Variants in SEMA4D observed in about 807,000 individuals in gnomAD.
SEMA4D encodes semaphorin-4D.
SEMA4D carries 22 observed loss-of-function variants against 74.8 expected under a neutral mutation model. That is an observed-to-expected ratio of 0.29 (90% CI 0.21 to 0.42). The LOEUF is 0.42. Ranked by LOEUF, SEMA4D falls within the 10% of genes least tolerant of loss-of-function variation. SEMA4D has a pLI of 1.00. For synonymous variants in SEMA4D, 445 were observed against 463.7 expected (o/e 0.96, Z 0.52); for missense variants, 937 against 1,118.4 (o/e 0.84, Z 2.31).
rs549593310 is a variant in SEMA4D at position 89,399,332 on chromosome 9, A to T, written c.259T>A (p.Trp87Arg). Residue 87 changes from tryptophan (W) to arginine (R), a missense_variant, in exon 5 of 16, where the codon TGG (tryptophan) becomes AGG (arginine). By Grantham distance (101) the Trp-to-Arg change is moderately radical (BLOSUM62 -3). Transcript: ENST00000422704. ...NISEKQHEVY[W>R]KVSEDKKAKC... Reference sequence around the variant, plus strand: ...GCTTTTTTGTCTTCTGAGACCTTCCAATACACCTGTTGGGATAGAGTCCAT... The same window carrying T: ...GCTTTTTTGTCTTCTGAGACCTTCCTATACACCTGTTGGGATAGAGTCCAT... The T allele has an allele frequency of 5.0e-6, 8 of 1,611,672 alleles. No homozygotes were observed. In the Admixed American group the frequency reaches 8.3e-5, roughly 17 times the overall value.
At chr9:89,422,401 T>C (rs1008659903) in intron 2 of SEMA4D, among the ~76,000 whole-genome samples, 76 of 152,188 alleles carry the variant, frequency 5.0e-4, no homozygotes, top group Middle Eastern at 3.4e-3. Context: ...CACAGGACGG[T>C]TGGGGGGCCC....
chr9:89,480,613 C>T (rs1318842154), intron 1 of SEMA4D, among the ~76,000 whole-genome samples: 1 of 152,234 alleles, frequency 6.6e-6, no homozygotes, highest in East Asian at 1.9e-4. Flanking sequence ...CGCCGGTGGG[C>T]CAGCACTGCT....
chr9:89,386,891 G>A (rs933292206), intron 12 of SEMA4D: 2 of 217,120 alleles, frequency 9.2e-6, no homozygotes, highest in Non-Finnish European at 1.9e-5. Context: ...CCAAGGGCAG[G>A]CCACAATGCG....
chr9:89,404,823 G>T (rs1359293065), intron 3 of SEMA4D, among the ~76,000 whole-genome samples: 4 of 141,526 alleles, frequency 2.8e-5, no homozygotes, highest in Non-Finnish European at 6.1e-5. Context: ...CCAGGAAGTG[G>T]GGTCCCCATC....
chr9:89,441,262 C>T (rs1287976092), intron 2 of SEMA4D, among the ~76,000 whole-genome samples: 5 of 152,264 alleles, frequency 3.3e-5, no homozygotes, highest in South Asian at 2.1e-4. Context: ...TCCACACACG[C>T]GCAGGACTCG....
chr9:89,370,501 T>G (rs368805410), intron 16 of SEMA4D, among the ~76,000 whole-genome samples: 8 of 147,570 alleles, frequency 5.4e-5, no homozygotes, highest in East Asian at 4.1e-4. Context: ...GGAGGTATGG[T>G]GTGTGTGTGA....
At chr9:89,376,484 C>T (rs1835803676), downstream of SEMA4D, 1 of 186,744 alleles carries the variant, frequency 5.4e-6, no homozygotes, top group African/African-American at 2.3e-5. Context: ...TTTACTGGCA[C>T]ACAGCCCTGA....
At chr9:89,435,473 C>A (rs996544344) in intron 2 of SEMA4D, among the ~76,000 whole-genome samples, 5 of 152,210 alleles carry the variant, frequency 3.3e-5, no homozygotes, top group African/African-American at 4.8e-5. Context: ...TAAGCAAGAG[C>A]TGTGGAGTTT....
chr9:89,449,560 G>A, intron 2 of SEMA4D: 1 of 796,430 alleles, frequency 1.3e-6, no homozygotes. Context: ...GCAGGAAGAT[G>A]TCAGGCAAAG....
intron 2 of SEMA4D, 99 bp from the exon 3 acceptor site, chr9:89,405,798 G>T: frequency 7.7e-7 from 1 of 1,304,260 alleles, no homozygotes; most frequent in South Asian, 2.6e-5. Context: ...TCCTCACCCG[G>T]GTCCATCTGC....
chr9:89,379,978 C>A (rs1229856664), intron 15 of SEMA4D, among the ~76,000 whole-genome samples: 2 of 152,232 alleles, frequency 1.3e-5, no homozygotes, highest in African/African-American at 2.4e-5. Flanking sequence ...CTAATGGCTG[C>A]AAGGAAGACT....
chr9:89,413,238 C>T (rs1326196901), intron 2 of SEMA4D, among the ~76,000 whole-genome samples: 1 of 152,166 alleles, frequency 6.6e-6, no homozygotes, highest in Non-Finnish European at 1.5e-5. Flanking sequence ...CATGAGGGTG[C>T]ACGAGCCCAC....
chr9:89,376,945 C>T (rs971050880), downstream of SEMA4D: 2 of 1,550,688 alleles, frequency 1.3e-6, no homozygotes, highest in African/African-American at 1.4e-5. Flanking sequence ...GCCCCGCACC[C>T]GAGGCTGGCC....
intron 2 of SEMA4D, among the ~76,000 whole-genome samples, chr9:89,410,749 C>T (rs1844352321): frequency 1.3e-5 from 2 of 152,176 alleles, no homozygotes; most frequent in African/African-American, 4.8e-5. Flanking sequence ...ATGAAAGGAA[C>T]CCGCCCACAC....
At chr9:89,371,975 T>TGTGTGTGGGGTGTG in intron 16 of SEMA4D, among the ~76,000 whole-genome samples, 1 of 2,606 alleles carries the variant, frequency 3.8e-4, no homozygotes, top group African/African-American at 1.7e-3. Flanking sequence ...TGGGGTGTGG[T>TGTGTGTGGGGTGTG]GTGTGTCTGG....
intron 10 of SEMA4D, 21 bp downstream of exon 10, chr9:89,388,851 G>C (rs367972555): frequency 8.1e-6 from 13 of 1,610,218 alleles, no homozygotes; most frequent in Non-Finnish European, 9.3e-6. Context: ...CAAGGAGGGG[G>C]ACTCCACCCA....
At chr9:89,385,555 T>C (rs1374621411) in intron 13 of SEMA4D, 2 of 985,272 alleles carry the variant, frequency 2.0e-6, no homozygotes, top group Non-Finnish European at 2.4e-6. Context: ...GGCTATTTCA[T>C]TCTCTTTTCC....
intron 1 of SEMA4D, among the ~76,000 whole-genome samples, chr9:89,482,059 G>A (rs1355115167): frequency 2.6e-5 from 4 of 152,202 alleles, no homozygotes; most frequent in South Asian, 2.1e-4. Context: ...CCGCCCAGAC[G>A]GGTGAGGGGA....
intron 1 of SEMA4D, among the ~76,000 whole-genome samples, chr9:89,459,175 G>A (rs1179580822): frequency 2.0e-5 from 3 of 152,210 alleles, no homozygotes; most frequent in African/African-American, 7.2e-5. Context: ...ACTGCGGCCT[G>A]CAGCAGAACC....
Sources: gnomAD v4.1 joint callset for allele counts (sites outside exome capture counted in the v4.1 genomes callset) on GRCh38, gnomAD v4.1.1 for gene constraint, MANE v1.5 for transcripts, NCBI Gene and HGNC (gene_info 2026-07-23, HGNC 2026-07-21) for gene names.